Variants in ALPK1 observed in about 807,000 individuals in gnomAD.
ALPK1 encodes the protein alpha-protein kinase 1.
Under a neutral mutation model 120.6 loss-of-function variants are expected in ALPK1, and 110 were observed. The ratio of observed to expected loss-of-function variants is 0.91; its 90% CI spans 0.78 to 1.07. The LOEUF is 1.07. Among genes scored for constraint, ALPK1 ranks in the 50% least tolerant of loss-of-function variants. The pLI is 0.00. For missense variants in ALPK1, 1,498 were observed against 1,483.9 expected (o/e 1.01, Z -0.16); for synonymous variants, 582 against 560.3 (o/e 1.04, Z -0.55).
At chr4:112,427,402 TATTTTTAAAAATTG>T (rs1373403350) in intron 8 of ALPK1, among the ~76,000 whole-genome samples, 154 bp from the exon 9 acceptor site, 4 of 32,874 alleles carry the variant, frequency 1.2e-4, no homozygotes, top group Admixed American at 2.7e-4. Flanking sequence ...TTAAAAATAG[TATTTTTAAAAATTG>T]ATTTTTAAAA....
intron 4 of ALPK1, among the ~76,000 whole-genome samples, chr4:112,410,209 C>T (rs981962756): frequency 6.6e-6 from 1 of 152,168 alleles, no homozygotes; most frequent in Non-Finnish European, 1.5e-5. Flanking sequence ...CTACCTGGGC[C>T]TCTCCAGACT....
intron 2 of ALPK1, among the ~76,000 whole-genome samples, chr4:112,324,640 C>G (rs1729026789): frequency 6.6e-6 from 1 of 152,054 alleles, no homozygotes; most frequent in South Asian, 2.1e-4. Flanking sequence ...CCACTACAGG[C>G]TAATATTTTT....
At chr4:112,310,942 C>T (rs73843072) in intron 1 of ALPK1, among the ~76,000 whole-genome samples, 12,484 of 151,404 alleles carry the variant, frequency 0.082, 836 homozygotes, top group Admixed American at 0.21. Context: ...ATCATAGAAT[C>T]GAAAGGGACT....
chr4:112,316,121 A>G (rs1171198765), intron 2 of ALPK1: 1 of 152,256 alleles, frequency 6.6e-6, no homozygotes, highest in South Asian at 2.1e-4. Flanking sequence ...TTGCACTGCA[A>G]TAACTACCAT....
chr4:112,357,645 C>A, intron 2 of ALPK1: 5 of 1,608,342 alleles, frequency 3.1e-6, no homozygotes, highest in Non-Finnish European at 4.3e-6. Context: ...TCGACAAGCA[C>A]CAGATCTGGG....
chr4:112,316,567 C>A (rs1269815080), intron 2 of ALPK1, among the ~76,000 whole-genome samples: 1 of 152,064 alleles, frequency 6.6e-6, no homozygotes, highest in South Asian at 2.1e-4. Flanking sequence ...TTTTATCTTT[C>A]TGAGGAACTG....
intron 8 of ALPK1, 21 bp from the exon 9 acceptor site, chr4:112,427,549 T>A (rs1734292355): frequency 6.3e-7 from 1 of 1,589,942 alleles, no homozygotes; most frequent in African/African-American, 1.3e-5. Context: ...GATCTGTGAC[T>A]TCTTTGTGTT....
intron 2 of ALPK1, among the ~76,000 whole-genome samples, chr4:112,323,903 G>A (rs185881075): frequency 1.3e-5 from 2 of 152,296 alleles, no homozygotes; most frequent in East Asian, 3.9e-4. Context: ...GCTGACATCT[G>A]CTCCTCATGT....
chr4:112,343,392 T>A (rs1374562815), intron 2 of ALPK1: 1 of 152,222 alleles, frequency 6.6e-6, no homozygotes, highest in Non-Finnish European at 1.5e-5. Context: ...GATCTCTGTG[T>A]CGTCTTAGAG....
chr4:112,372,118 A>G (rs1477051545), intron 2 of ALPK1, among the ~76,000 whole-genome samples: 2 of 152,034 alleles, frequency 1.3e-5, no homozygotes, highest in African/African-American at 2.4e-5. Context: ...TCCTCTTTTC[A>G]TTACTATATG....
rs114727305 is a variant in ALPK1 at position 112,394,782 on chromosome 4, G to A, written c.276+12230G>A. Among the ~76,000 whole-genome samples the A allele has an allele frequency of 3.1e-3, 471 of 152,302 alleles. 3 individuals are homozygous for A. The highest frequency in any genetic ancestry group is 0.011 in the African/African-American group (454 of 41,568). On this transcript the variant is annotated intron_variant, in intron 4 of 15. Transcript: ENST00000650871. Reference sequence around the variant, plus strand: ...CTCCCCATAATGAGGCCTGAAGACTGAGCCAAGTCCTGGAGGAGTTGATTT... The same window carrying A: ...CTCCCCATAATGAGGCCTGAAGACTAAGCCAAGTCCTGGAGGAGTTGATTT...
chr4:112,338,867 G>C (rs887019934), intron 2 of ALPK1, among the ~76,000 whole-genome samples: 2 of 152,162 alleles, frequency 1.3e-5, no homozygotes, highest in Admixed American at 1.3e-4. Flanking sequence ...ATTATAACTG[G>C]TCACCTACCT....
rs370888250 is a variant in ALPK1, at chr4:112,308,691, G to A, written c.-152-7110G>A. On this transcript the variant is annotated intron_variant, in intron 1 of 15. Transcript: ENST00000650871. ...TTTTTAGCTTCTTTGCAATGGGTTC[G>A]AACTTCCTCCTTTAGCTCAGAAAAG... is the stretch of plus-strand genomic sequence containing the variant. Among the ~76,000 whole-genome samples the A allele has an allele frequency of 7.6e-4, 115 of 152,172 alleles. 1 individual carries two copies. In the East Asian group the frequency reaches 7.9e-3, roughly 10 times the overall value.
chr4:112,324,183 A>T (rs1016505545), intron 2 of ALPK1, among the ~76,000 whole-genome samples: 1 of 151,952 alleles, frequency 6.6e-6, no homozygotes, highest in Non-Finnish European at 1.5e-5. Context: ...AAAAATTAGC[A>T]GGGCATGGTG....
At chr4:112,395,171 C>T (rs560805865) in intron 4 of ALPK1, among the ~76,000 whole-genome samples, 57 of 152,178 alleles carry the variant, frequency 3.7e-4, no homozygotes, top group African/African-American at 1.3e-3. Flanking sequence ...TTTGTTATAC[C>T]CATATTGCAG....
Position 112,424,130 on chromosome 4 carries a change from C to T in ALPK1, c.535+127C>T, listed in dbSNP as rs1043750248. ...TTTCCAGAGCTATCTGGGGCTGGCT[C>T]TGCCACTGATGAATGAAGAAGCTTT... On this transcript the variant is annotated intron_variant, in intron 6 of 15. Transcript: ENST00000650871. 3.7e-6 allele frequency: 3 copies of T among 810,052 alleles called. No homozygotes were observed. In the African/African-American group the frequency reaches 5.2e-5, roughly 14 times the overall value. 50.2% of individuals were successfully genotyped at this position (810,052 alleles called of 1,614,324 possible).
At chr4:112,299,826 C>A (rs1483465927) in intron 1 of ALPK1, among the ~76,000 whole-genome samples, 5 of 152,106 alleles carry the variant, frequency 3.3e-5, no homozygotes, top group Non-Finnish European at 7.4e-5. Flanking sequence ...CAGAAGATAG[C>A]CAATACTTTT....
At chr4:112,317,581 T>C (rs1728690753) in intron 2 of ALPK1, among the ~76,000 whole-genome samples, 1 of 152,198 alleles carries the variant, frequency 6.6e-6, no homozygotes, top group African/African-American at 2.4e-5. Flanking sequence ...GGGCTTCTTA[T>C]ACATCGATGG....
intron 2 of ALPK1, among the ~76,000 whole-genome samples, chr4:112,350,220 C>G (rs1730291732): frequency 6.6e-6 from 1 of 152,188 alleles, no homozygotes; most frequent in Non-Finnish European, 1.5e-5. Context: ...AACTTCAAAG[C>G]TACATAGTTC....
Sources: gnomAD v4.1 joint callset for allele counts (sites outside exome capture counted in the v4.1 genomes callset) on GRCh38, gnomAD v4.1.1 for gene constraint, MANE v1.5 for transcripts, NCBI Gene and HGNC (gene_info 2026-07-23, HGNC 2026-07-21) for gene names.